Variants in CMTM8 observed in about 807,000 individuals in gnomAD.
CMTM8 encodes the protein CKLF-like MARVEL transmembrane domain-containing protein 8.
In CMTM8, 12 loss-of-function variants were observed where a neutral mutation model predicts 18.6. The observed-to-expected ratio is 0.65, with a 90% confidence interval of 0.41 to 1.05. CMTM8 has a LOEUF of 1.05. CMTM8 is among the 50% of genes least tolerant of loss of function. CMTM8 has a pLI of 0.00. For synonymous variants in CMTM8, 87 were observed against 90.6 expected, an observed-to-expected ratio of 0.96 and a Z score of 0.23; for missense variants, 217 against 227.2, an observed-to-expected ratio of 0.95 and a Z score of 0.29.
chr3:32,321,210 T>C (rs1575175552), intron 1 of CMTM8, among the ~76,000 whole-genome samples: 1 of 152,030 alleles, frequency 6.6e-6, no homozygotes, highest in South Asian at 2.1e-4. Flanking sequence ...CAGAGAAACG[T>C]GACGCTGGTT....
intron 1 of CMTM8, chr3:32,259,385 A>G (rs1396552612): frequency 3.5e-6 from 3 of 853,084 alleles, no homozygotes; most frequent in East Asian, 2.4e-5. Context: ...CAATGCCCGC[A>G]TTGTTCTGCA....
intron 1 of CMTM8, among the ~76,000 whole-genome samples, chr3:32,349,892 C>A (rs577314496): frequency 6.6e-6 from 1 of 152,248 alleles, no homozygotes; most frequent in Admixed American, 6.5e-5. Context: ...CTTGTAATCC[C>A]AGCTACTCAG....
intron 1 of CMTM8, among the ~76,000 whole-genome samples, chr3:32,320,876 C>A (rs527467592): frequency 6.6e-6 from 1 of 152,124 alleles, no homozygotes; most frequent in African/African-American, 2.4e-5. Flanking sequence ...ACTTTGTTTG[C>A]CCCTATGATC....
intron 2 of CMTM8, among the ~76,000 whole-genome samples, chr3:32,365,514 C>T (rs920120397): frequency 2.0e-5 from 3 of 152,162 alleles, no homozygotes; most frequent in South Asian, 2.1e-4. Flanking sequence ...GGCGTGATCT[C>T]GGCTCACTGC....
chr3:32,273,680 T>C (rs1294666302), intron 1 of CMTM8, among the ~76,000 whole-genome samples: 1 of 152,158 alleles, frequency 6.6e-6, no homozygotes, highest in Admixed American at 6.5e-5. Context: ...TAGTGCGTGC[T>C]GGGAGAGGGA....
At chr3:32,369,740 T>C in intron 3 of CMTM8, 144 bp from the exon 4 acceptor site, 1 of 480,818 alleles carries the variant, frequency 2.1e-6, no homozygotes. Flanking sequence ...AGGATAGTAA[T>C]TGAACCAATA....
chr3:32,369,198 C>G (rs1695594531), intron 3 of CMTM8, among the ~76,000 whole-genome samples: 1 of 152,020 alleles, frequency 6.6e-6, no homozygotes. Context: ...CCTGTAATCC[C>G]AGCTACTTGG....
chr3:32,352,749 G>A (rs752952625), intron 1 of CMTM8, among the ~76,000 whole-genome samples: 11 of 152,150 alleles, frequency 7.2e-5, no homozygotes, highest in Admixed American at 4.6e-4. Context: ...TGTGTTTCTT[G>A]ATTTGGATGC....
intron 1 of CMTM8, among the ~76,000 whole-genome samples, chr3:32,261,675 G>T (rs1181896432): frequency 6.6e-6 from 1 of 152,194 alleles, no homozygotes; most frequent in Non-Finnish European, 1.5e-5. Flanking sequence ...ACCAGTCCCA[G>T]GTTATGGGGA....
intron 2 of CMTM8, among the ~76,000 whole-genome samples, chr3:32,367,628 C>T (rs1697064558): frequency 6.6e-6 from 1 of 152,122 alleles, no homozygotes; most frequent in Admixed American, 6.5e-5. Flanking sequence ...AGCAAAATGA[C>T]TGAAGGGGCG....
chr3:32,361,286 G>GTTTGTTTTTT (rs140270969), intron 2 of CMTM8, among the ~76,000 whole-genome samples: 8 of 87,254 alleles, frequency 9.2e-5, no homozygotes, highest in Non-Finnish European at 9.5e-5. Context: ...CAGCCTAAGA[G>GTTTGTTTTTT]TTTTTTTTTC....
chr3:32,330,361 T>C (rs1352182760), intron 1 of CMTM8, among the ~76,000 whole-genome samples: 1 of 152,104 alleles, frequency 6.6e-6, no homozygotes. Context: ...CATAGTGGCA[T>C]GCTACTTGGG....
chr3:32,295,455 C>CAAAAAAA (rs1400148634), intron 1 of CMTM8, among the ~76,000 whole-genome samples: 19 of 27,496 alleles, frequency 6.9e-4, no homozygotes, highest in African/African-American at 1.1e-3. Flanking sequence ...GACTCCATCT[C>CAAAAAAA]AAAAAAAAAA....
At chr3:32,354,636 G>C (rs184196556) in intron 1 of CMTM8, among the ~76,000 whole-genome samples, 13 of 152,286 alleles carry the variant, frequency 8.5e-5, no homozygotes, top group African/African-American at 3.1e-4. Context: ...TTAAGCCCTT[G>C]TGATCACACA....
chr3:32,260,498 C>T (rs1027715783), intron 1 of CMTM8, among the ~76,000 whole-genome samples: 1 of 152,096 alleles, frequency 6.6e-6, no homozygotes. Context: ...ATTGTACATT[C>T]CCTTACCTGG....
intron 1 of CMTM8, among the ~76,000 whole-genome samples, chr3:32,301,555 G>A (rs951073668): frequency 2.8e-4 from 42 of 152,068 alleles, no homozygotes; most frequent in African/African-American, 9.9e-4. Flanking sequence ...GGTGGATGAA[G>A]AGGGATAGGG....
chr3:32,366,518 G>T (rs1697040113), intron 2 of CMTM8, among the ~76,000 whole-genome samples: 1 of 152,176 alleles, frequency 6.6e-6, no homozygotes, highest in Non-Finnish European at 1.5e-5. Flanking sequence ...AACTAGACAT[G>T]CATGAGAGCC....
intron 1 of CMTM8, among the ~76,000 whole-genome samples, chr3:32,285,943 A>T (rs1702674123): frequency 6.6e-6 from 1 of 152,242 alleles, no homozygotes; most frequent in Non-Finnish European, 1.5e-5. Flanking sequence ...AAGAATAGTT[A>T]TGGACACAGG....
chr3:32,294,709 T>C (rs1702844047), intron 1 of CMTM8, among the ~76,000 whole-genome samples: 1 of 152,230 alleles, frequency 6.6e-6, no homozygotes, highest in Admixed American at 6.5e-5. Context: ...CTGCCCTGCC[T>C]TCCATGTGCC....
Sources: allele counts gnomAD v4.1 joint callset (sites outside exome capture counted in the v4.1 genomes callset), GRCh38; gene constraint gnomAD v4.1.1; transcripts MANE v1.5; gene names NCBI Gene and HGNC (gene_info 2026-07-23, HGNC 2026-07-21).